COL21A1: variants seen among roughly 807,000 people sequenced by gnomAD.
COL21A1 encodes the protein collagen type XXI alpha 1 chain.
COL21A1 carries 149 observed loss-of-function variants against 137.9 expected under a neutral mutation model. That is an observed-to-expected ratio of 1.08 (90% CI 0.95 to 1.24). The LOEUF is 1.24. COL21A1 is among the 50% of genes most tolerant of loss of function. The pLI is 0.00. For synonymous variants in COL21A1, 456 were observed against 391.5 expected (o/e 1.16, Z -1.95); for missense variants, 1,167 against 1,158.4 (o/e 1.01, Z -0.11).
In COL21A1 at chr6:56,200,192, G is replaced by A. The variant is rs143559992; in HGVS notation, c.-38-17536C>T. ...GTGGGAGCAAGACGAAGAATGACAG[G>A]GACTAAAGTAAAGTAGCATGATTCA... is the stretch of plus-strand genomic sequence containing the variant. On this transcript the variant is annotated intron_variant, in intron 1 of 29. Coordinates refer to ENST00000244728, the MANE Select transcript of COL21A1 (RefSeq NM_030820.4). 2.5e-4 allele frequency among the ~76,000 whole-genome samples: 38 copies of A among 152,252 alleles called. No individual in the cohort carries two copies. The East Asian group carries it at 6.6e-3, about 26-fold the overall frequency.
At chr6:56,160,778 A>G (rs562657862) in intron 9 of COL21A1, among the ~76,000 whole-genome samples, 2 of 152,360 alleles carry the variant, frequency 1.3e-5, no homozygotes, top group African/African-American at 4.8e-5. Context: ...TAATGTAAAT[A>G]TAAATAAAGT....
intron 1 of COL21A1, among the ~76,000 whole-genome samples, chr6:56,217,671 C>G (rs563341265): frequency 6.6e-6 from 1 of 152,218 alleles, no homozygotes; most frequent in African/African-American, 2.4e-5. Context: ...TCTCTCCAAT[C>G]TACCACACTG....
At chr6:56,320,801 T>G (rs2152341281) in intron 1 of COL21A1, among the ~76,000 whole-genome samples, 1 of 152,282 alleles carries the variant, frequency 6.6e-6, no homozygotes, top group African/African-American at 2.4e-5. Flanking sequence ...CTCAGGACTC[T>G]CTTCCTTTCT....
rs920868362 is a variant in COL21A1 at position 56,060,668 on chromosome 6, C to T, written c.2407+73G>A. On this transcript the variant is annotated intron_variant, in intron 27 of 29. Transcript: ENST00000244728. ...TTCTTCACCTCACTTATATCCTCTA[C>T]AATATGTCCTAAGAATTTGTATTAC... The T allele has an allele frequency of 3.9e-6, 5 of 1,280,756 alleles. No individual in the cohort carries two copies. In the African/African-American group the frequency reaches 5.9e-5, roughly 15 times the overall value. 79.3% of individuals were successfully genotyped at this position (1,280,756 alleles called of 1,614,324 possible). A position where few individuals can be genotyped will look rare whatever the true frequency, so the allele number is the denominator to read the frequency against.
chr6:56,125,401 G>T, intron 14 of COL21A1, 166 bp downstream of exon 14: 1 of 445,608 alleles, frequency 2.2e-6, no homozygotes, highest in Non-Finnish European at 4.0e-6. Flanking sequence ...GCAGTCACCA[G>T]CTCTTTTTTT....
At chr6:56,256,984 C>T (rs1053004200) in intron 1 of COL21A1, among the ~76,000 whole-genome samples, 3 of 152,106 alleles carry the variant, frequency 2.0e-5, no homozygotes, top group African/African-American at 7.2e-5. Flanking sequence ...GATACAGACT[C>T]TGATGAATCT....
intron 1 of COL21A1, among the ~76,000 whole-genome samples, chr6:56,295,550 A>G (rs1475353552): frequency 6.6e-6 from 1 of 152,026 alleles, no homozygotes; most frequent in Non-Finnish European, 1.5e-5. Context: ...ACATCTTAAT[A>G]TTGAGTCTTC....
At chr6:56,067,273 T>C in intron 23 of COL21A1, 22 bp downstream of exon 23, 1 of 1,586,232 alleles carries the variant, frequency 6.3e-7, no homozygotes, top group Non-Finnish European at 8.6e-7. Context: ...CTCAGCCTAC[T>C]AAAAAAAAGC....
At chr6:56,194,350 A>T (rs1424162611) in intron 1 of COL21A1, among the ~76,000 whole-genome samples, 1 of 152,138 alleles carries the variant, frequency 6.6e-6, no homozygotes, top group African/African-American at 2.4e-5. Flanking sequence ...CATTATACAC[A>T]TGTTTATGTA....
At chr6:56,335,594 A>G (rs1582790335) in intron 1 of COL21A1, among the ~76,000 whole-genome samples, 1 of 152,156 alleles carries the variant, frequency 6.6e-6, no homozygotes, top group Non-Finnish European at 1.5e-5. Context: ...CAGCCCCACT[A>G]TGTGAACAGT....
rs1769018257 is a variant in COL21A1 at position 56,093,217 on chromosome 6, G to C, written c.1812+8255C>G. On this transcript the variant is annotated intron_variant, in intron 17 of 29. Coordinates refer to ENST00000244728, the MANE Select transcript of COL21A1 (RefSeq NM_030820.4). ...CTCGGGGAAGGGTAATTTTCAGCCT[G>C]ACACAGTCTACCCTCTGGCCTTCAA... Among the ~76,000 whole-genome samples the C allele has an allele frequency of 2.0e-5, 3 of 152,030 alleles. 1 individual carries two copies. The South Asian group carries it at 6.2e-4, about 32-fold the overall frequency.
At chr6:56,382,155 G>C (rs1273244665) in intron 1 of COL21A1, among the ~76,000 whole-genome samples, 1 of 152,174 alleles carries the variant, frequency 6.6e-6, no homozygotes, top group African/African-American at 2.4e-5. Flanking sequence ...CTACACAATA[G>C]TACCATTGAA....
intron 16 of COL21A1, among the ~76,000 whole-genome samples, chr6:56,118,481 A>T (rs1194382818): frequency 6.6e-6 from 1 of 152,090 alleles, no homozygotes; most frequent in Admixed American, 6.6e-5. Flanking sequence ...TGATGGCTTC[A>T]CTGCTGGATT....
intron 1 of COL21A1, among the ~76,000 whole-genome samples, chr6:56,322,483 T>G (rs138735926): frequency 6.6e-6 from 1 of 152,278 alleles, no homozygotes; most frequent in East Asian, 1.9e-4. Context: ...AAAGCACAGA[T>G]TTTTATGCTA....
intron 3 of COL21A1, among the ~76,000 whole-genome samples, chr6:56,174,765 C>CA (rs1777323970): frequency 6.6e-6 from 1 of 151,932 alleles, no homozygotes; most frequent in Non-Finnish European, 1.5e-5. Flanking sequence ...TAAGATCTTT[C>CA]AAAAAATTGA....
At chr6:56,363,228 G>A (rs911782299) in intron 1 of COL21A1, among the ~76,000 whole-genome samples, 1 of 152,182 alleles carries the variant, frequency 6.6e-6, no homozygotes, top group African/African-American at 2.4e-5. Context: ...CTTAGGCCTC[G>A]TTCTCCTAAG....
chr6:56,138,409 G>A (rs1774162296), intron 12 of COL21A1, among the ~76,000 whole-genome samples: 1 of 151,694 alleles, frequency 6.6e-6, no homozygotes, highest in Admixed American at 6.6e-5. Flanking sequence ...AAGGGGAAGA[G>A]GACAGGGCTG....
At chr6:56,209,328 T>C (rs7744276) in intron 1 of COL21A1, among the ~76,000 whole-genome samples, 99,423 of 151,872 alleles carry the variant, frequency 0.65, 32,978 homozygotes, top group East Asian at 0.86. Flanking sequence ...AAACTACCAT[T>C]AGAGTGAACA....
intron 16 of COL21A1, among the ~76,000 whole-genome samples, chr6:56,109,321 G>A (rs1421080393): frequency 6.6e-6 from 1 of 151,696 alleles, no homozygotes; most frequent in Non-Finnish European, 1.5e-5. Flanking sequence ...AAGAAAAGTA[G>A]AGAGTGAAAG....
Sources: gnomAD v4.1 joint callset for allele counts (sites outside exome capture counted in the v4.1 genomes callset) on GRCh38, gnomAD v4.1.1 for gene constraint, MANE v1.5 for transcripts, NCBI Gene and HGNC (gene_info 2026-07-23, HGNC 2026-07-21) for gene names.